DNAJC1: variants seen among roughly 807,000 people sequenced by gnomAD.
The protein encoded by DNAJC1 is DnaJ heat shock protein family (Hsp40) member C1.
In DNAJC1, 58 loss-of-function variants were observed where a neutral mutation model predicts 76.6. That is an observed-to-expected ratio of 0.76 (90% CI 0.61 to 0.94). DNAJC1 has a LOEUF of 0.94. Ranked by LOEUF, DNAJC1 falls within the 40% of genes least tolerant of loss-of-function variation. The pLI is 0.00. For missense variants in DNAJC1, 689 were observed against 677.3 expected (o/e 1.02, Z -0.19); for synonymous variants, 258 against 267.9 (o/e 0.96, Z 0.36).
rs1835358121 is a variant in DNAJC1, at chr10:21,831,671, T to C, written c.979-25572A>G. Among the ~76,000 whole-genome samples, 3 of 150,856 alleles carry C rather than the reference T, an allele frequency of 2.0e-5. No homozygotes were observed. The Admixed American group carries it at 2.0e-4, about 10-fold the overall frequency. On this transcript the variant is annotated intron_variant, in intron 8 of 11. Transcript: ENST00000376980. ...CAGGCATGGTGGCAGGCGCCTGTAG[T>C]CCCAGCTACTCAGGAGGCTGAGGCA... is the stretch of plus-strand genomic sequence containing the variant.
intron 10 of DNAJC1, among the ~76,000 whole-genome samples, chr10:21,761,930 A>T (rs1198154549): frequency 6.6e-6 from 1 of 152,118 alleles, no homozygotes; most frequent in Non-Finnish European, 1.5e-5. Context: ...ATTTTTTGAG[A>T]TGGAGTCTCA....
At chr10:21,846,463 T>C (rs918752178) in intron 8 of DNAJC1, among the ~76,000 whole-genome samples, 1 of 152,164 alleles carries the variant, frequency 6.6e-6, no homozygotes. Context: ...AAGGTGTTAC[T>C]ATGTTTAAAG....
intron 8 of DNAJC1, among the ~76,000 whole-genome samples, chr10:21,816,880 C>G (rs540668915): frequency 7.1e-6 from 1 of 140,990 alleles, no homozygotes; most frequent in African/African-American, 2.6e-5. Flanking sequence ...AAATGCCGGG[C>G]GCGGTGGCTC....
chr10:21,816,997 A>C (rs1048976343), intron 8 of DNAJC1, among the ~76,000 whole-genome samples: 17 of 147,934 alleles, frequency 1.1e-4, no homozygotes, highest in Non-Finnish European at 2.5e-4. Context: ...TACTAAAAAT[A>C]CAAAAAAAAA....
At chr10:21,900,495 T>C (rs767483514) in intron 7 of DNAJC1, among the ~76,000 whole-genome samples, 1 of 152,216 alleles carries the variant, frequency 6.6e-6, no homozygotes, top group Non-Finnish European at 1.5e-5. Context: ...CACAGCATTA[T>C]GATTTGAAAT....
intron 1 of DNAJC1, among the ~76,000 whole-genome samples, chr10:21,984,430 A>G (rs560619363): frequency 6.6e-6 from 1 of 152,354 alleles, no homozygotes; most frequent in African/African-American, 2.4e-5. Context: ...CAGTAGCTAC[A>G]TACATCTCAT....
intron 1 of DNAJC1, among the ~76,000 whole-genome samples, chr10:21,952,192 A>T (rs887013162): frequency 6.6e-6 from 1 of 152,232 alleles, no homozygotes; most frequent in Admixed American, 6.5e-5. Context: ...CATTCATGAA[A>T]CTGAAAATAA....
intron 9 of DNAJC1, among the ~76,000 whole-genome samples, chr10:21,782,735 G>C (rs1232486516): frequency 6.6e-6 from 1 of 152,182 alleles, no homozygotes; most frequent in Non-Finnish European, 1.5e-5. Flanking sequence ...TGGGATGCAA[G>C]GCTGGTTGAA....
chr10:21,785,828 G>A (rs561597502), intron 9 of DNAJC1, among the ~76,000 whole-genome samples: 5 of 152,268 alleles, frequency 3.3e-5, no homozygotes, highest in Admixed American at 3.3e-4. Flanking sequence ...GAGGGGAAGG[G>A]AGAAAAGCAA....
rs556414339 is a variant in DNAJC1 at position 21,926,723 on chromosome 10, T to A, written c.371+1783A>T. On this transcript the variant is annotated intron_variant, in intron 3 of 11. Transcript: ENST00000376980. ...AGACTTTTGCCTCAAGGAAAACCAGTTACCAAAGAGTTACTTGTGCCTCAA... is the reference window on the plus strand; with the variant it reads ...AGACTTTTGCCTCAAGGAAAACCAGATACCAAAGAGTTACTTGTGCCTCAA... Among the ~76,000 whole-genome samples, 7 of 152,334 alleles carry A rather than the reference T, an allele frequency of 4.6e-5. No homozygotes were observed. In the South Asian group the frequency reaches 1.5e-3, roughly 32 times the overall value.
chr10:21,837,898 G>A lies in DNAJC1; in HGVS notation c.979-31799C>T, dbSNP rs535282347. 1.3e-4 allele frequency among the ~76,000 whole-genome samples: 18 copies of A among 137,576 alleles called. 1 individual carries two copies. The East Asian group carries it at 2.6e-3, about 20-fold the overall frequency. The allele number at this position is 137,576 out of a possible 152,430, so 90.3% of individuals were successfully genotyped here. A position where few individuals can be genotyped will look rare whatever the true frequency, so the allele number is the denominator to read the frequency against. On this transcript the variant is annotated intron_variant, in intron 8 of 11. Transcript: ENST00000376980. ...GGGGGCAGCCCCCGCCCGGCCAGCC[G>A]CCCCGTCCGGGAGGGAGGTGGCGGG...
chr10:21,841,095 C>A (rs878942781), intron 8 of DNAJC1, among the ~76,000 whole-genome samples: 1 of 152,070 alleles, frequency 6.6e-6, no homozygotes, highest in Non-Finnish European at 1.5e-5. Flanking sequence ...CTTATACAAA[C>A]ATTAATTCAA....
chr10:21,937,023 G>GC (rs1280155388), intron 1 of DNAJC1, among the ~76,000 whole-genome samples: 3 of 152,132 alleles, frequency 2.0e-5, no homozygotes, highest in Non-Finnish European at 4.4e-5. Flanking sequence ...ATCCATCACA[G>GC]CAAGTCCTCA....
chr10:21,837,978 G>T (rs1349988527), intron 8 of DNAJC1, among the ~76,000 whole-genome samples: 1 of 143,344 alleles, frequency 7.0e-6, no homozygotes, highest in Non-Finnish European at 1.5e-5. Flanking sequence ...GGCAGTCCCC[G>T]CCCGGCCAGC....
In DNAJC1 at chr10:21,784,794, G is replaced by A. The variant is rs142967961; in HGVS notation, c.1099-18485C>T. ...AAACCATCATTCCGAGCAAACTATC[G>A]CAAGGACAGAAAACCAAACACTGCA... On this transcript the variant is annotated intron_variant, in intron 9 of 11. Transcript: ENST00000376980. Among the ~76,000 whole-genome samples, 6 of 152,026 alleles carry A rather than the reference G, an allele frequency of 3.9e-5. No individual in the cohort carries two copies. The East Asian group carries it at 5.8e-4, about 15-fold the overall frequency.
At chr10:21,790,511 C>CAA (rs60598254) in intron 9 of DNAJC1, among the ~76,000 whole-genome samples, 3,487 of 141,594 alleles carry the variant, frequency 0.025, 47 homozygotes, top group Non-Finnish European at 0.028. Flanking sequence ...AATAAATTGC[C>CAA]AAAAAAAAAA....
intron 1 of DNAJC1, among the ~76,000 whole-genome samples, chr10:21,993,876 T>C (rs576416629): frequency 2.0e-5 from 3 of 151,864 alleles, no homozygotes; most frequent in African/African-American, 4.8e-5. Flanking sequence ...TAAGATCACT[T>C]TTTTTTTACC....
intron 1 of DNAJC1, among the ~76,000 whole-genome samples, chr10:22,000,264 C>G (rs147211714): frequency 6.6e-6 from 1 of 152,186 alleles, no homozygotes; most frequent in Non-Finnish European, 1.5e-5. Flanking sequence ...AATTATCCCT[C>G]TAAGTAACTA....
chr10:21,920,329 A>G (rs1299546336), intron 4 of DNAJC1, among the ~76,000 whole-genome samples: 1 of 152,134 alleles, frequency 6.6e-6, no homozygotes, highest in Non-Finnish European at 1.5e-5. Flanking sequence ...AATAAACTAT[A>G]GAGTAGCATA....
Sources: gnomAD v4.1 joint callset for allele counts (sites outside exome capture counted in the v4.1 genomes callset) on GRCh38, gnomAD v4.1.1 for gene constraint, MANE v1.5 for transcripts, NCBI Gene and HGNC (gene_info 2026-07-23, HGNC 2026-07-21) for gene names.